FILIP1L: variants seen among roughly 807,000 people sequenced by gnomAD.
FILIP1L encodes the protein filamin A interacting protein 1 like.
Under a neutral mutation model 96.6 loss-of-function variants are expected in FILIP1L, and 55 were observed. The ratio of observed to expected loss-of-function variants is 0.57; its 90% CI spans 0.46 to 0.71. The LOEUF is 0.71. Among genes scored for constraint, FILIP1L ranks in the 30% least tolerant of loss-of-function variants. The probability of loss-of-function intolerance (pLI) is 0.00; values close to 1 mark genes in which losing one functional copy is unlikely to be tolerated. For missense variants in FILIP1L, 1,304 were observed against 1,321.2 expected (o/e 0.99, Z 0.20); for synonymous variants, 467 against 473.9 (o/e 0.99, Z 0.19).
chr3:99,954,356 A>G (rs1468928613), intron 1 of FILIP1L, among the ~76,000 whole-genome samples: 1 of 152,220 alleles, frequency 6.6e-6, no homozygotes, highest in East Asian at 1.9e-4. Context: ...AGTATCTCAC[A>G]TAATAATCCA....
At chr3:99,984,052 A>ATGTGTGTGTGTGTGTGTGTG (rs34256109) in intron 1 of FILIP1L, among the ~76,000 whole-genome samples, 54 of 151,286 alleles carry the variant, frequency 3.6e-4, no homozygotes, top group African/African-American at 1.3e-3. Context: ...ATGTATATGT[A>ATGTGTGTGTGTGTGTGTGTG]TGTGTGTTTG....
In FILIP1L at chr3:99,848,770, A is replaced by G; in HGVS notation, c.2906T>C (p.Leu969Ser). Residue 969 changes from leucine (L) to serine (S), a missense_variant, in exon 5 of 6, where the codon TTA becomes TCA. Leu to Ser is a moderately radical substitution (Grantham distance 145, BLOSUM62 -2). Coordinates refer to ENST00000477258, the MANE Select transcript of FILIP1L (RefSeq NM_001387850.1). ...SKTSTEDLMN[L>S]EQGMSPITMA... is the part of the protein sequence containing the mutation. Reference sequence around the variant, plus strand: ...GGTAATTGGGGACATGCCTTGTTCTAAATTCATGAGGTCTTCGGTAGAGGT... The same window carrying G: ...GGTAATTGGGGACATGCCTTGTTCTGAATTCATGAGGTCTTCGGTAGAGGT... 1 of 1,614,128 alleles carries G rather than the reference A, an allele frequency of 6.2e-7. No homozygotes were observed. Among genetic ancestry groups the G allele is most frequent in the East Asian group, 2.2e-5 (1 of 44,870 alleles).
chr3:99,887,669 T>C (rs578108424), intron 4 of FILIP1L, among the ~76,000 whole-genome samples: 1 of 152,342 alleles, frequency 6.6e-6, no homozygotes, highest in African/African-American at 2.4e-5. Context: ...CAATTTCTTA[T>C]ATAAGTACAA....
Position 99,842,316 on chromosome 3 carries a change from A to C in FILIP1L, c.3381+5979T>G, listed in dbSNP as rs945359539. 6.6e-5 allele frequency among the ~76,000 whole-genome samples: 10 copies of C among 152,268 alleles called. No homozygotes were observed. The South Asian group carries it at 8.3e-4, about 13-fold the overall frequency. ...CAGAGGCATAAGAATGATACAGTGC[A>C]CTCTGGGGACTCAGGGGAAAGAGTG... On this transcript the variant is annotated intron_variant, in intron 5 of 5. Transcript: ENST00000477258.
chr3:99,849,156 A>G lies in FILIP1L; in HGVS notation c.2520T>C (p.Asp840=). 6.2e-7 allele frequency: 1 copy of G among 1,614,186 alleles called. No individual in the cohort carries two copies. The highest frequency in any genetic ancestry group is 8.5e-7 in the Non-Finnish European group (1 of 1,180,032). Residue 840 remains aspartate (D), a synonymous_variant, in exon 5 of 6, where the codon GAT becomes GAC. Coordinates refer to ENST00000477258, the MANE Select transcript of FILIP1L (RefSeq NM_001387850.1). Reference sequence around the variant, plus strand: ...ATTTGAAGGACAGCACAGATCCCTCATCATTAGGGTCCTCGTCTTGATTCT... The same window carrying G: ...ATTTGAAGGACAGCACAGATCCCTCGTCATTAGGGTCCTCGTCTTGATTCT... ...ESENQDEDPN[D]EGSVLSFKCS...
intron 1 of FILIP1L, among the ~76,000 whole-genome samples, chr3:100,034,698 A>G (rs2065077922): frequency 6.6e-6 from 1 of 152,232 alleles, no homozygotes; most frequent in African/African-American, 2.4e-5. Context: ...GAACCCTCAG[A>G]GTTCAAAGTA....
intron 4 of FILIP1L, among the ~76,000 whole-genome samples, chr3:99,870,661 T>C (rs1416104989): frequency 5.3e-5 from 8 of 152,210 alleles, no homozygotes; most frequent in Non-Finnish European, 1.2e-4. Context: ...TGTTTGCTAC[T>C]GCTGAGGAGA....
intron 3 of FILIP1L, among the ~76,000 whole-genome samples, chr3:99,926,234 A>G (rs1707289181): frequency 6.6e-6 from 1 of 152,244 alleles, no homozygotes. Flanking sequence ...GTCCCAGCAT[A>G]TAGAACCCAG....
Position 99,849,518 on chromosome 3 carries a change from C to T in FILIP1L, c.2158G>A (p.Asp720Asn). The T allele has an allele frequency of 3.1e-6, 5 of 1,613,332 alleles. No homozygotes were observed. Among genetic ancestry groups the T allele is most frequent in the Non-Finnish European group, 3.4e-6 (4 of 1,179,862 alleles). The change falls in exon 5 of 6, where the codon GAT (aspartate) becomes AAT (asparagine). Residue 720 changes from aspartate to asparagine, a missense_variant. Transcript: ENST00000477258. ...TCATGAATTTTCTCTTTTAATGCATCCACTTCTCTTGAGAGGTGCCCTGAC... is the reference window on the plus strand; with the variant it reads ...TCATGAATTTTCTCTTTTAATGCATTCACTTCTCTTGAGAGGTGCCCTGAC... ...AKSGHLSREVDALKEKIHEYM... is the reference protein window; with the variant it reads ...AKSGHLSREVNALKEKIHEYM...
chr3:100,010,766 C>T (rs900448872), intron 1 of FILIP1L, among the ~76,000 whole-genome samples: 4 of 147,722 alleles, frequency 2.7e-5, no homozygotes, highest in South Asian at 2.2e-4. Flanking sequence ...AGGTGCGCGC[C>T]TCCACGCCCG....
intron 1 of FILIP1L, among the ~76,000 whole-genome samples, chr3:99,983,892 G>T (rs1437169182): frequency 6.6e-6 from 1 of 152,082 alleles, no homozygotes; most frequent in Non-Finnish European, 1.5e-5. Flanking sequence ...TAACAGCACA[G>T]ATTTGGTCAC....
chr3:99,938,411 A>C (rs1262719076), intron 1 of FILIP1L, among the ~76,000 whole-genome samples: 1 of 152,214 alleles, frequency 6.6e-6, no homozygotes, highest in Non-Finnish European at 1.5e-5. Flanking sequence ...TGGCAAGAAG[A>C]CTGCATAACA....
intron 1 of FILIP1L, among the ~76,000 whole-genome samples, chr3:99,976,673 C>A (rs370413949): frequency 6.6e-6 from 1 of 151,858 alleles, no homozygotes; most frequent in African/African-American, 2.4e-5. Context: ...AAGATTTATT[C>A]TTTATTTTTA....
chr3:100,003,831 A>C (rs1012646063), intron 1 of FILIP1L, among the ~76,000 whole-genome samples: 1 of 152,194 alleles, frequency 6.6e-6, no homozygotes, highest in African/African-American at 2.4e-5. Flanking sequence ...TTGAAGTTGT[A>C]TCATACAAAC....
At chr3:99,887,710 C>T (rs1292407664) in intron 4 of FILIP1L, among the ~76,000 whole-genome samples, 3 of 151,886 alleles carry the variant, frequency 2.0e-5, no homozygotes, top group African/African-American at 7.3e-5. Context: ...CTGGGAATAC[C>T]CAGATATACA....
At chr3:100,067,732 G>C (rs2065690903) in intron 1 of FILIP1L, among the ~76,000 whole-genome samples, 1 of 151,950 alleles carries the variant, frequency 6.6e-6, no homozygotes, top group Admixed American at 6.6e-5. Flanking sequence ...ACACTGAGTA[G>C]GTGCTAAATA....
At chr3:99,948,836 G>A (rs758881703) in intron 1 of FILIP1L, among the ~76,000 whole-genome samples, 6 of 152,148 alleles carry the variant, frequency 3.9e-5, no homozygotes, top group Non-Finnish European at 8.8e-5. Flanking sequence ...CATCATCAGG[G>A]TTGGAAGGAT....
chr3:99,959,963 G>T (rs1341053244), intron 1 of FILIP1L, among the ~76,000 whole-genome samples: 1 of 152,068 alleles, frequency 6.6e-6, no homozygotes, highest in African/African-American at 2.4e-5. Flanking sequence ...TCTGTCACTT[G>T]CAGAAAAAAA....
chr3:99,932,063 A>G (rs1707498784), intron 1 of FILIP1L, among the ~76,000 whole-genome samples: 1 of 152,212 alleles, frequency 6.6e-6, no homozygotes, highest in South Asian at 2.1e-4. Flanking sequence ...ACAAACTGCT[A>G]TATGCTACCA....
Sources: gnomAD v4.1 joint callset for allele counts (sites outside exome capture counted in the v4.1 genomes callset) on GRCh38, gnomAD v4.1.1 for gene constraint, MANE v1.5 for transcripts, NCBI Gene and HGNC (gene_info 2026-07-23, HGNC 2026-07-21) for gene names.